The following MOSPD1 variants were observed in gnomAD, a reference collection of about 807,000 sequenced individuals.
MOSPD1 encodes the protein motile sperm domain containing 1.
A neutral mutation model predicts 16.7 loss-of-function variants in MOSPD1; 5 were observed. The ratio of observed to expected loss-of-function variants is 0.30; its 90% CI spans 0.16 to 0.63. MOSPD1 has a LOEUF of 0.63. Ranked by LOEUF, MOSPD1 falls within the 30% of genes least tolerant of loss-of-function variation. MOSPD1 has a pLI of 0.82. For synonymous variants in MOSPD1, 67 were observed against 59.2 expected (o/e 1.13, Z -0.61); for missense variants, 104 against 153.6 (o/e 0.68, Z 1.71).
At chrX:134,893,338 T>C (rs1413853553) in intron 4 of MOSPD1, among the ~76,000 whole-genome samples, 1 of 107,734 alleles carries the variant, frequency 9.3e-6, no homozygotes, top group East Asian at 2.9e-4. Context: ...AAGAAAACAG[T>C]TATTTATGAC....
At chrX:134,889,435 T>A (rs2082850556) in intron 5 of MOSPD1, among the ~76,000 whole-genome samples, 1 of 112,000 alleles carries the variant, frequency 8.9e-6, no homozygotes, top group African/African-American at 3.2e-5. Flanking sequence ...CAAATCTATC[T>A]ATCAAACATA....
intron 1 of MOSPD1, among the ~76,000 whole-genome samples, chrX:134,908,888 G>C (rs1371725034): frequency 8.9e-6 from 1 of 112,016 alleles, no homozygotes; most frequent in Non-Finnish European, 1.9e-5. Flanking sequence ...TACCACCATA[G>C]ATACAAAACT....
intron 1 of MOSPD1, among the ~76,000 whole-genome samples, chrX:134,910,392 G>A (rs1188006421): frequency 2.8e-5 from 3 of 109,057 alleles, no homozygotes; most frequent in Non-Finnish European, 5.7e-5. Flanking sequence ...GCAACAGAGC[G>A]AGACTCTGTC....
chrX:134,894,988 C>T (rs1209569010), intron 4 of MOSPD1, among the ~76,000 whole-genome samples: 2 of 112,143 alleles, frequency 1.8e-5, no homozygotes, highest in Non-Finnish European at 3.8e-5. Context: ...ATCACCTATC[C>T]TCATTCATCT....
At chrX:134,904,703 C>G (rs1157618374) in intron 1 of MOSPD1, among the ~76,000 whole-genome samples, 13 of 110,204 alleles carry the variant, frequency 1.2e-4, no homozygotes, top group African/African-American at 4.3e-4. Context: ...CTCTACTAAA[C>G]ATACTAAAAT....
At position 134,905,256 on chromosome X, in the gene MOSPD1, C is replaced by T. The variant is rs780112477; in HGVS notation, c.-101-5722G>A. ...TGGTGGCGGGCGCCTGTAGTCCCAG[C>T]TACTCAGGAGGCTGAGGAAGGAGAA... On this transcript the variant is annotated intron_variant, in intron 1 of 5. Transcript: ENST00000370783. Among the ~76,000 whole-genome samples the T allele has an allele frequency of 2.8e-5, 3 of 107,932 alleles. No individual in the cohort carries two copies. The South Asian group carries it at 1.2e-3, about 44-fold the overall frequency. The allele number at this position is 107,932 out of a possible 115,157, so 93.7% of individuals were successfully genotyped here. A position where few individuals can be genotyped will look rare whatever the true frequency, so the allele number is the denominator to read the frequency against.
rs780339919 is a variant in MOSPD1, at chrX:134,901,563, C to T, written c.-101-2029G>A. On this transcript the variant is annotated intron_variant, in intron 1 of 5. Coordinates refer to ENST00000370783, the MANE Select transcript of MOSPD1 (RefSeq NM_019556.3). ...TACTTGTGAGGCTGAGGCAGGAGAA[C>T]CACTTGAACCCGGGAGCAGAGGCTG... 1.0e-4 allele frequency among the ~76,000 whole-genome samples: 11 copies of T among 108,439 alleles called. No homozygotes were observed. The South Asian group carries it at 4.5e-3, about 44-fold the overall frequency. The allele number at this position is 108,439 out of a possible 115,157, so 94.2% of individuals were successfully genotyped here. A position where few individuals can be genotyped will look rare whatever the true frequency, so the allele number is the denominator to read the frequency against.
At chrX:134,897,599 A>ATTT (rs200486988) in intron 3 of MOSPD1, among the ~76,000 whole-genome samples, 1 of 98,240 alleles carries the variant, frequency 1.0e-5, no homozygotes, top group East Asian at 3.3e-4. Flanking sequence ...TAGCAATCAC[A>ATTT]TTTTTTTTTT....
At chrX:134,891,950 C>T (rs777407174) in intron 4 of MOSPD1, among the ~76,000 whole-genome samples, 2 of 112,196 alleles carry the variant, frequency 1.8e-5, no homozygotes, top group South Asian at 3.7e-4. Flanking sequence ...CATGTATCAT[C>T]GATGTATGCA....
Position 134,909,164 on chromosome X carries a change from G to A in MOSPD1, c.-102+6018C>T, listed in dbSNP as rs59804237. 2.8e-5 allele frequency among the ~76,000 whole-genome samples: 3 copies of A among 108,903 alleles called. No homozygotes were observed. The East Asian group carries it at 8.6e-4, about 31-fold the overall frequency. The allele number at this position is 108,903 out of a possible 115,157, so 94.6% of individuals were successfully genotyped here. ...CGGGTGCCTGTAGTCCCAGCTACTC[G>A]GGAGGCTGAGGCAGGAGAATGGCGT... On this transcript the variant is annotated intron_variant, in intron 1 of 5. Coordinates refer to ENST00000370783, the MANE Select transcript of MOSPD1 (RefSeq NM_019556.3).
chrX:134,909,661 T>A (rs756527917), intron 1 of MOSPD1, among the ~76,000 whole-genome samples: 1 of 112,475 alleles, frequency 8.9e-6, no homozygotes, highest in African/African-American at 3.2e-5. Context: ...ATTCCCAGTA[T>A]TGTTAATTGG....
At chrX:134,903,851 C>T (rs1272720341) in intron 1 of MOSPD1, among the ~76,000 whole-genome samples, 1 of 110,401 alleles carries the variant, frequency 9.1e-6, no homozygotes, top group Admixed American at 9.7e-5. Flanking sequence ...CCAGCCTGGC[C>T]AACATGGTGA....
At chrX:134,903,856 T>C (rs2082927547) in intron 1 of MOSPD1, among the ~76,000 whole-genome samples, 1 of 110,031 alleles carries the variant, frequency 9.1e-6, no homozygotes. Flanking sequence ...CTGGCCAACA[T>C]GGTGAAACCC....
chrX:134,906,359 T>A (rs1023943660), intron 1 of MOSPD1, among the ~76,000 whole-genome samples: 16 of 106,652 alleles, frequency 1.5e-4, no homozygotes, highest in East Asian at 2.9e-4. Flanking sequence ...TTTTTTTTTT[T>A]AATTTTTGTA....
intron 1 of MOSPD1, among the ~76,000 whole-genome samples, chrX:134,911,246 C>T (rs1033175851): frequency 9.0e-6 from 1 of 111,559 alleles, no homozygotes; most frequent in South Asian, 3.7e-4. Flanking sequence ...AAGCACAACA[C>T]CTGACTCCTG....
At chrX:134,910,120 A>G (rs974416513) in intron 1 of MOSPD1, among the ~76,000 whole-genome samples, 1 of 111,648 alleles carries the variant, frequency 9.0e-6, no homozygotes, top group Non-Finnish European at 1.9e-5. Flanking sequence ...TCACAAATTC[A>G]TGGCCGGGCG....
At chrX:134,903,907 G>A (rs1332149819) in intron 1 of MOSPD1, among the ~76,000 whole-genome samples, 2 of 110,001 alleles carry the variant, frequency 1.8e-5, no homozygotes, top group East Asian at 2.8e-4. Context: ...GCATAGTGGC[G>A]TGCGCCTGTA....
At chrX:134,911,583 C>T (rs769689285) in intron 1 of MOSPD1, among the ~76,000 whole-genome samples, 7 of 112,325 alleles carry the variant, frequency 6.2e-5, no homozygotes, top group East Asian at 5.6e-4. Context: ...TTGGCTTGTA[C>T]GTGAGTCTTC....
chrX:134,903,307 A>T (rs1325090874), intron 1 of MOSPD1, among the ~76,000 whole-genome samples: 1 of 111,999 alleles, frequency 8.9e-6, no homozygotes, highest in Non-Finnish European at 1.9e-5. Context: ...AAAAAATAAT[A>T]ATAAAGCCAT....
Sources: allele counts gnomAD v4.1 joint callset (sites outside exome capture counted in the v4.1 genomes callset), GRCh38; gene constraint gnomAD v4.1.1; transcripts MANE v1.5; gene names NCBI Gene and HGNC (gene_info 2026-07-23, HGNC 2026-07-21).